Variants in FAM13B observed in about 807,000 individuals in gnomAD.
FAM13B encodes family with sequence similarity 13 member B, also known as protein FAM13B.
Under a neutral mutation model 117.3 loss-of-function variants are expected in FAM13B, and 60 were observed. The ratio of observed to expected loss-of-function variants is 0.51; its 90% CI spans 0.42 to 0.63. The LOEUF (loss-of-function observed/expected upper bound fraction) is 0.63, where lower values mean the gene tolerates loss of function less well. Ranked by LOEUF, FAM13B falls within the 30% of genes least tolerant of loss-of-function variation. The pLI is 0.00. For synonymous variants in FAM13B, 332 were observed against 356.1 expected, an observed-to-expected ratio of 0.93 and a Z score of 0.76; for missense variants, 972 against 1,091.9, an observed-to-expected ratio of 0.89 and a Z score of 1.55.
At chr5:138,030,894 G>C (rs555959611) in intron 1 of FAM13B, among the ~76,000 whole-genome samples, 1 of 152,026 alleles carries the variant, frequency 6.6e-6, no homozygotes, top group South Asian at 2.1e-4. Flanking sequence ...TTAGTCAGGC[G>C]CAGTGGCAAG....
chr5:138,024,833 AGAAAG>A (rs1787825611), intron 1 of FAM13B, among the ~76,000 whole-genome samples: 3 of 147,524 alleles, frequency 2.0e-5, no homozygotes, highest in Admixed American at 6.8e-5. Flanking sequence ...AGAGAGAGAG[AGAAAG>A]AGAGAGAGAG....
intron 20 of FAM13B, among the ~76,000 whole-genome samples, chr5:137,943,541 C>T (rs959012409): frequency 6.6e-6 from 1 of 152,136 alleles, no homozygotes; most frequent in Non-Finnish European, 1.5e-5. Flanking sequence ...GTAAGGAGAT[C>T]GAGACCATCC....
chr5:137,943,764 A>G (rs1762567377), intron 20 of FAM13B, among the ~76,000 whole-genome samples: 3 of 152,178 alleles, frequency 2.0e-5, no homozygotes, highest in Non-Finnish European at 4.4e-5. Context: ...ATTCTAAATG[A>G]TAAGAACATA....
In FAM13B at chr5:137,984,255, T is replaced by C. The variant is rs76298609; in HGVS notation, c.1179+1002A>G. Among the ~76,000 whole-genome samples the C allele has an allele frequency of 5.9e-5, 9 of 152,320 alleles. No individual in the cohort carries two copies. In the East Asian group the frequency reaches 1.7e-3, roughly 29 times the overall value. ...GCAAACACAGGATAATACAGAGAAG[T>C]TACCCTTTTATAAAAGAAATTTTCA... On this transcript the variant is annotated intron_variant, in intron 10 of 23. Coordinates refer to ENST00000689681, the MANE Select transcript of FAM13B (RefSeq NM_001385994.1).
At position 137,987,534 on chromosome 5, in the gene FAM13B, A is replaced by C; in HGVS notation, c.973T>G (p.Leu325Val). 1 of 1,613,556 alleles carries C rather than the reference A, an allele frequency of 6.2e-7. No individual in the cohort carries two copies. The highest frequency in any genetic ancestry group is 8.5e-7 in the Non-Finnish European group (1 of 1,179,712). Reference protein sequence around the residue: ...QSSIDHDLKNLQQQSVVCNNE... With the variant: ...QSSIDHDLKNVQQQSVVCNNE... ...TTACACACCACACTTTGCTGTTGTA[A>C]ATTCTTAAGATCATGATCTATGCTG... Residue 325 changes from leucine (L) to valine (V), a missense_variant, in exon 9 of 24, where the codon TTA becomes GTA. Physicochemically the swap from Leu to Val is conservative, Grantham distance 32. Transcript: ENST00000689681.
At chr5:138,043,514 A>C (rs1216288747) in intron 1 of FAM13B, among the ~76,000 whole-genome samples, 4 of 142,930 alleles carry the variant, frequency 2.8e-5, no homozygotes, top group African/African-American at 1.1e-4. Flanking sequence ...ATCTCGGCTC[A>C]CTGCAACCTC....
chr5:138,010,044 G>A (rs541162501), intron 6 of FAM13B, among the ~76,000 whole-genome samples: 2 of 152,000 alleles, frequency 1.3e-5, no homozygotes, highest in Admixed American at 6.6e-5. Context: ...GCAGTGCTAC[G>A]ATCTTGGCTC....
At chr5:138,000,524 G>T (rs72801652) in intron 7 of FAM13B, among the ~76,000 whole-genome samples, 5,521 of 152,194 alleles carry the variant, frequency 0.036, 152 homozygotes, top group South Asian at 0.081. Flanking sequence ...TGTGTAAGGG[G>T]ATTGTATAAC....
chr5:138,023,579 G>T (rs1281124884), intron 1 of FAM13B, among the ~76,000 whole-genome samples: 1 of 152,030 alleles, frequency 6.6e-6, no homozygotes, highest in South Asian at 2.1e-4. Context: ...CGCTCAAACT[G>T]GCCATAGTCT....
At chr5:138,034,789 G>A (rs1268076989), upstream of FAM13B, among the ~76,000 whole-genome samples, 1 of 152,020 alleles carries the variant, frequency 6.6e-6, no homozygotes, top group Non-Finnish European at 1.5e-5. Flanking sequence ...TTCCATGCTT[G>A]GAGAACAGGA....
chr5:137,943,302 T>G, intron 20 of FAM13B, 86 bp from the exon 21 acceptor site: 1 of 1,030,918 alleles, frequency 9.7e-7, no homozygotes, highest in Non-Finnish European at 1.4e-6. Context: ...TTACGAATCT[T>G]CAACTTTATT....
chr5:138,031,553 CG>C (rs1315573028), intron 1 of FAM13B, among the ~76,000 whole-genome samples: 2 of 151,926 alleles, frequency 1.3e-5, no homozygotes, highest in Admixed American at 1.3e-4. Context: ...GGCGTGGTGG[CG>C]GGCGCCTGTA....
rs149720355 is a variant in FAM13B, at chr5:138,000,201, T to C, written c.848+6789A>G. Among the ~76,000 whole-genome samples the C allele has an allele frequency of 1.6e-3, 239 of 152,226 alleles. 1 individual carries two copies. The highest frequency in any genetic ancestry group is 5.4e-3 in the African/African-American group (225 of 41,540). ...TCACTTGCGCCTGGGAGCTTGAGAC[T>C]GGCCTGGGCAACGTAACGAGACCTT... is the stretch of plus-strand genomic sequence containing the variant. On this transcript the variant is annotated intron_variant, in intron 7 of 23. Transcript: ENST00000689681.
intron 18 of FAM13B, among the ~76,000 whole-genome samples, chr5:137,948,229 T>C (rs1323659279): frequency 6.6e-6 from 1 of 151,872 alleles, no homozygotes; most frequent in Non-Finnish European, 1.5e-5. Flanking sequence ...ATCAAGTTAG[T>C]ATTAATGGAC....
At chr5:137,969,477 G>T (rs1166596602) in intron 10 of FAM13B, among the ~76,000 whole-genome samples, 1 of 152,154 alleles carries the variant, frequency 6.6e-6, no homozygotes, top group African/African-American at 2.4e-5. Flanking sequence ...CATCATCAAA[G>T]GCCAAAGGTA....
Position 137,949,049 on chromosome 5 carries a change from T to G in FAM13B, c.2066A>C (p.Lys689Thr). ...ENEDEPKVIQKEKKPSKEATL... is the reference protein window; with the variant it reads ...ENEDEPKVIQTEKKPSKEATL... The stretch of plus-strand genomic sequence containing the variant: ...TGCTTCTTTAGATGGTTTTTTCTCC[T>G]TCTGAATGACCTTGGGTTCATCTTC... Residue 689 changes from lysine (K) to threonine (T), a missense_variant, in exon 18 of 24, where the codon AAG (lysine) becomes ACG (threonine). Transcript: ENST00000689681. The G allele has an allele frequency of 1.2e-6, 2 of 1,613,998 alleles. No individual in the cohort carries two copies. Among genetic ancestry groups the G allele is most frequent in the Non-Finnish European group, 1.7e-6 (2 of 1,180,016 alleles).
upstream of FAM13B, among the ~76,000 whole-genome samples, chr5:138,033,379 G>C (rs1018817658): frequency 6.6e-5 from 10 of 152,208 alleles, no homozygotes; most frequent in African/African-American, 2.4e-4. Flanking sequence ...ATCGCTTCTG[G>C]TCTCTGCGGA....
chr5:137,968,483 C>G (rs1486112850), intron 10 of FAM13B, among the ~76,000 whole-genome samples: 8 of 151,538 alleles, frequency 5.3e-5, no homozygotes, highest in Non-Finnish European at 7.4e-5. Flanking sequence ...TTCAGCCTGG[C>G]TAACCAATAC....
intron 1 of FAM13B, among the ~76,000 whole-genome samples, chr5:138,024,798 C>CAA (rs1787771111): frequency 3.3e-5 from 1 of 30,292 alleles, no homozygotes; most frequent in South Asian, 1.5e-3. Flanking sequence ...AATTTATACA[C>CAA]ACACACACAC....
Sources: gnomAD v4.1 joint callset for allele counts (sites outside exome capture counted in the v4.1 genomes callset) on GRCh38, gnomAD v4.1.1 for gene constraint, MANE v1.5 for transcripts, NCBI Gene and HGNC (gene_info 2026-07-23, HGNC 2026-07-21) for gene names.